Variants in DPP10 observed in about 807,000 individuals in gnomAD.
DPP10 encodes the protein inactive dipeptidyl peptidase 10.
DPP10 carries 33 observed loss-of-function variants against 120.9 expected under a neutral mutation model. That is an observed-to-expected ratio of 0.27 (90% CI 0.21 to 0.37). DPP10 has a LOEUF of 0.37. DPP10 is among the 10% of genes least tolerant of loss of function. The probability of loss-of-function intolerance (pLI) is 1.00; values close to 1 mark genes in which losing one functional copy is unlikely to be tolerated. For missense variants in DPP10, 816 were observed against 942.8 expected (o/e 0.87, Z 1.76); for synonymous variants, 337 against 326.1 (o/e 1.03, Z -0.36).
chr2:114,669,338 T>C (rs1221767938), intron 1 of DPP10, among the ~76,000 whole-genome samples: 1 of 152,132 alleles, frequency 6.6e-6, no homozygotes. Flanking sequence ...ATAATATATG[T>C]AGGTGTATGT....
At chr2:115,479,213 G>A (rs565704914) in intron 3 of DPP10, among the ~76,000 whole-genome samples, 2 of 152,194 alleles carry the variant, frequency 1.3e-5, no homozygotes, top group Non-Finnish European at 2.9e-5. Context: ...ACAATGGGAT[G>A]TTATTCATCC....
chr2:115,426,933 A>G (rs1366983689), intron 3 of DPP10, among the ~76,000 whole-genome samples: 1 of 152,238 alleles, frequency 6.6e-6, no homozygotes, highest in Non-Finnish European at 1.5e-5. Flanking sequence ...AAATTAACTT[A>G]TTTACTTACA....
intron 5 of DPP10, among the ~76,000 whole-genome samples, chr2:115,614,810 C>A (rs2084372188): frequency 6.6e-6 from 1 of 152,134 alleles, no homozygotes; most frequent in Admixed American, 6.6e-5. Context: ...CAGAAACCTT[C>A]TTTTTGAGGG....
intron 1 of DPP10, among the ~76,000 whole-genome samples, chr2:114,850,053 T>TTCCCTTTTCTTCCCTTCTCTTTC (rs1688835764): frequency 3.6e-5 from 2 of 56,150 alleles, no homozygotes; most frequent in Admixed American, 2.6e-4. Flanking sequence ...CTTCTCTTTC[T>TTCCCTTTTCTTCCCTTCTCTTTC]TTTTTTTTTT....
At chr2:115,634,039 T>C (rs762426111) in intron 5 of DPP10, among the ~76,000 whole-genome samples, 38 of 152,312 alleles carry the variant, frequency 2.5e-4, no homozygotes, top group Non-Finnish European at 4.9e-4. Context: ...CAAGATAGTC[T>C]TCAAGCTCTG....
intron 1 of DPP10, among the ~76,000 whole-genome samples, chr2:115,208,987 G>A (rs1516312): frequency 1.3e-5 from 2 of 152,042 alleles, no homozygotes; most frequent in Non-Finnish European, 2.9e-5. Flanking sequence ...GACAACAGAT[G>A]AGTTCTCAGA....
At chr2:115,433,295 G>A (rs1368472450) in intron 3 of DPP10, among the ~76,000 whole-genome samples, 1 of 151,968 alleles carries the variant, frequency 6.6e-6, no homozygotes, top group East Asian at 1.9e-4. Context: ...TGATTTAGGT[G>A]GGTGTTCTAT....
intron 1 of DPP10, among the ~76,000 whole-genome samples, chr2:114,443,643 A>G (rs149065144): frequency 2.2e-4 from 33 of 150,980 alleles, no homozygotes; most frequent in African/African-American, 6.1e-4. Context: ...ATTATTATCT[A>G]TGTGGATATT....
chr2:115,700,022 A>G (rs1185580040), intron 7 of DPP10, among the ~76,000 whole-genome samples: 1 of 152,170 alleles, frequency 6.6e-6, no homozygotes, highest in African/African-American at 2.4e-5. Context: ...GGCCTCAGGA[A>G]ACTTTTACTC....
chr2:115,704,686 C>T (rs1173884102), intron 7 of DPP10, among the ~76,000 whole-genome samples: 1 of 151,878 alleles, frequency 6.6e-6, no homozygotes, highest in Non-Finnish European at 1.5e-5. Context: ...GTAAAGGAGG[C>T]CATGATATAC....
chr2:114,977,582 G>A (rs995309133), intron 1 of DPP10, among the ~76,000 whole-genome samples: 30 of 151,962 alleles, frequency 2.0e-4, no homozygotes, highest in African/African-American at 6.5e-4. Flanking sequence ...AGACAGGTAG[G>A]GGTTCTGCAA....
intron 1 of DPP10, among the ~76,000 whole-genome samples, chr2:114,486,241 T>C (rs556191847): frequency 6.6e-6 from 1 of 152,248 alleles, no homozygotes; most frequent in African/African-American, 2.4e-5. Context: ...CATGGTATTG[T>C]ACACTGCATT....
chr2:115,292,637 G>GT (rs1280310949), intron 1 of DPP10, among the ~76,000 whole-genome samples: 1 of 151,994 alleles, frequency 6.6e-6, no homozygotes, highest in Non-Finnish European at 1.5e-5. Context: ...CTCCAATGTG[G>GT]TATGTGTTTA....
intron 1 of DPP10, among the ~76,000 whole-genome samples, chr2:114,775,167 G>C (rs1475528509): frequency 6.6e-6 from 1 of 152,064 alleles, no homozygotes; most frequent in Non-Finnish European, 1.5e-5. Context: ...GCAAAATCTT[G>C]ATTAGTCCTA....
chr2:114,839,195 A>C (rs535960785), intron 1 of DPP10, among the ~76,000 whole-genome samples: 1 of 152,326 alleles, frequency 6.6e-6, no homozygotes, highest in South Asian at 2.1e-4. Flanking sequence ...CCACATGGGA[A>C]TATCTATGTA....
At chr2:114,782,449 T>C (rs1488875192) in intron 1 of DPP10, among the ~76,000 whole-genome samples, 1 of 151,988 alleles carries the variant, frequency 6.6e-6, no homozygotes, top group Non-Finnish European at 1.5e-5. Context: ...GAAAATTCCA[T>C]AGAATTAGAA....
intron 17 of DPP10, among the ~76,000 whole-genome samples, chr2:115,790,789 G>T (rs538205876): frequency 6.6e-6 from 1 of 152,150 alleles, no homozygotes; most frequent in East Asian, 1.9e-4. Flanking sequence ...ATCTCATTTG[G>T]TGCTAGATAA....
At chr2:115,438,492 C>T (rs999223515) in intron 3 of DPP10, among the ~76,000 whole-genome samples, 4 of 152,214 alleles carry the variant, frequency 2.6e-5, no homozygotes, top group Middle Eastern at 3.4e-3. Context: ...AGAAACAACT[C>T]AGATGTTTAT....
intron 1 of DPP10, among the ~76,000 whole-genome samples, chr2:114,885,261 G>T (rs1238624859): frequency 1.3e-5 from 2 of 152,242 alleles, no homozygotes; most frequent in East Asian, 3.9e-4. Context: ...GTGAGAATGG[G>T]GGGGACAGAG....
Sources: allele counts gnomAD v4.1 joint callset (sites outside exome capture counted in the v4.1 genomes callset), GRCh38; gene constraint gnomAD v4.1.1; transcripts MANE v1.5; gene names NCBI Gene and HGNC (gene_info 2026-07-23, HGNC 2026-07-21).